Variants in AGAP1 observed in about 807,000 individuals in gnomAD.
AGAP1 encodes the protein arf-GAP with GTPase, ANK repeat and PH domain-containing protein 1.
Under a neutral mutation model 105.3 loss-of-function variants are expected in AGAP1, and 29 were observed. The ratio of observed to expected loss-of-function variants is 0.28; its 90% confidence interval spans 0.21 to 0.38. AGAP1 has a LOEUF of 0.38. Among genes scored for constraint, AGAP1 ranks in the 10% least tolerant of loss-of-function variants. AGAP1 has a pLI of 1.00. For synonymous variants in AGAP1, 509 were observed against 485.9 expected, an observed-to-expected ratio of 1.05 and a Z score of -0.63; for missense variants, 998 against 1,165.1, an observed-to-expected ratio of 0.86 and a Z score of 2.09.
rs1950212461 is a variant in AGAP1, at chr2:235,700,845, A to G, written c.164-8334A>G. On this transcript the variant is annotated intron_variant, in intron 1 of 17. Transcript: ENST00000304032. The surrounding 1 kb of genome is among the most constrained non-coding windows in gnomAD (Gnocchi z 6.1). The stretch of plus-strand genomic sequence containing the variant: ...TGTGTATATATAGTATATATTATAT[A>G]TGTATATATTGTATACTCTACATAG... 6.7e-6 allele frequency among the ~76,000 whole-genome samples: 1 copy of G among 148,334 alleles called. No individual in the cohort carries two copies. Among genetic ancestry groups the G allele is most frequent in the South Asian group, 2.1e-4 (1 of 4,798 alleles).
intron 1 of AGAP1, among the ~76,000 whole-genome samples, chr2:235,500,311 A>G (rs1264005760): frequency 2.6e-5 from 4 of 151,782 alleles, no homozygotes; most frequent in Non-Finnish European, 5.9e-5. Flanking sequence ...GTCAGGTCAC[A>G]TTGAGGGCTG....
rs772074249 is a variant in AGAP1 at position 235,724,403 on chromosome 2, C to G, written c.310+6759C>G. Among the ~76,000 whole-genome samples, 1 of 152,208 alleles carries G rather than the reference C, an allele frequency of 6.6e-6. No individual in the cohort carries two copies. Among genetic ancestry groups the G allele is most frequent in the Non-Finnish European group, 1.5e-5 (1 of 68,044 alleles). ...CTGCCCCCATGCTCTGTCCCAGAGACGGAACACACTGGTCACTGGGAGATT... is the reference window on the plus strand; with the variant it reads ...CTGCCCCCATGCTCTGTCCCAGAGAGGGAACACACTGGTCACTGGGAGATT... On this transcript the variant is annotated intron_variant, in intron 3 of 17. Transcript: ENST00000304032. This position sits in a 1 kb window ranked among gnomAD's most constrained non-coding sequence, Gnocchi z 4.9.
chr2:235,517,411 C>T lies in AGAP1; in HGVS notation c.163+22562C>T, dbSNP rs967753247. Among the ~76,000 whole-genome samples, 1 of 152,128 alleles carries T rather than the reference C, an allele frequency of 6.6e-6. No homozygotes were observed. The highest frequency in any genetic ancestry group is 1.5e-5 in the Non-Finnish European group (1 of 68,028). On this transcript the variant is annotated intron_variant, in intron 1 of 17. Coordinates refer to ENST00000304032, the MANE Select transcript of AGAP1 (RefSeq NM_001037131.3). This position sits in a 1 kb window ranked among gnomAD's most constrained non-coding sequence, Gnocchi z 4.1. ...TGATGTAGTAGCATCACGAGTGTTT[C>T]GTCACTTAACCCAGAGCAGGGCTTT...
Position 235,867,132 on chromosome 2 carries a change from G to A in AGAP1, c.1051-16213G>A, listed in dbSNP as rs1315245034. 1.3e-5 allele frequency among the ~76,000 whole-genome samples: 2 copies of A among 152,178 alleles called. No individual in the cohort carries two copies. Among genetic ancestry groups the A allele is most frequent in the African/African-American group, 4.8e-5 (2 of 41,442 alleles). ...CAGAGGAAGGGGCAGGATGCAAGAAGGACATTTCAGGGGAAAAGAATTGAA... is the reference window on the plus strand; with the variant it reads ...CAGAGGAAGGGGCAGGATGCAAGAAAGACATTTCAGGGGAAAAGAATTGAA... On this transcript the variant is annotated intron_variant, in intron 9 of 17. Coordinates refer to ENST00000304032, the MANE Select transcript of AGAP1 (RefSeq NM_001037131.3). This position sits in a 1 kb window ranked among gnomAD's most constrained non-coding sequence, Gnocchi z 5.4.
In AGAP1 at chr2:235,747,399, G is replaced by T. The variant is rs1434939444; in HGVS notation, c.538+2560G>T. On this transcript the variant is annotated intron_variant, in intron 5 of 17. Transcript: ENST00000304032. The surrounding 1 kb of genome is among the most constrained non-coding windows in gnomAD (Gnocchi z 5.0). ...CCCAGGGGAGTGTGTGCGTGTGCGA[G>T]GGTGGCCTCTGGGGTTGGGAGGTAA... 5.3e-5 allele frequency among the ~76,000 whole-genome samples: 8 copies of T among 152,184 alleles called. No individual in the cohort carries two copies. Among genetic ancestry groups the T allele is most frequent in the Non-Finnish European group, 1.2e-4 (8 of 68,030 alleles).
intron 16 of AGAP1, among the ~76,000 whole-genome samples, chr2:236,093,487 A>G (rs1411346794): frequency 2.0e-5 from 3 of 152,160 alleles, no homozygotes; most frequent in Non-Finnish European, 4.4e-5. Flanking sequence ...GGAATCGGAC[A>G]AACACAATTG....
At chr2:235,881,193 TA>T (rs915082664) in intron 9 of AGAP1, among the ~76,000 whole-genome samples, 8 of 152,174 alleles carry the variant, frequency 5.3e-5, no homozygotes, top group Non-Finnish European at 1.0e-4. Flanking sequence ...ATCTAGTAAA[TA>T]AAAAACAGTA....
intron 1 of AGAP1, among the ~76,000 whole-genome samples, chr2:235,640,247 G>C (rs1049990577): frequency 3.3e-5 from 5 of 152,152 alleles, no homozygotes; most frequent in Non-Finnish European, 7.4e-5. Context: ...TGCCCTTTTT[G>C]ATTTGAACTC....
chr2:235,654,413 A>G (rs1947707331), intron 1 of AGAP1, among the ~76,000 whole-genome samples: 1 of 152,232 alleles, frequency 6.6e-6, no homozygotes, highest in South Asian at 2.1e-4. Context: ...TAAGGGAAAC[A>G]GATTTTCCAA....
In AGAP1 at chr2:236,101,668, C is replaced by A. The variant is rs905648781; in HGVS notation, c.2115-18524C>A. 6.6e-6 allele frequency among the ~76,000 whole-genome samples: 1 copy of A among 152,148 alleles called. No individual in the cohort carries two copies. The highest frequency in any genetic ancestry group is 2.4e-5 in the African/African-American group (1 of 41,428). ...TCTCTTCCCTTATCTGTTTATGATG[C>A]GATATGTTCCAAAGCCGATCACATC... On this transcript the variant is annotated intron_variant, in intron 16 of 17. Transcript: ENST00000304032. This position sits in a 1 kb window ranked among gnomAD's most constrained non-coding sequence, Gnocchi z 4.9.
intron 1 of AGAP1, among the ~76,000 whole-genome samples, chr2:235,603,069 C>G (rs1322294798): frequency 6.6e-6 from 1 of 152,164 alleles, no homozygotes; most frequent in Admixed American, 6.5e-5. Flanking sequence ...TGAATTATAG[C>G]TCCCATAATT....
chr2:235,999,682 TGG>T (rs2056024418), intron 13 of AGAP1, among the ~76,000 whole-genome samples: 11 of 151,838 alleles, frequency 7.2e-5, no homozygotes, highest in African/African-American at 2.2e-4. Flanking sequence ...GTGGTGGTGG[TGG>T]TCGTGGTGGT....
At chr2:236,038,000 A>C (rs1476790453) in intron 14 of AGAP1, among the ~76,000 whole-genome samples, 4 of 152,240 alleles carry the variant, frequency 2.6e-5, no homozygotes, top group African/African-American at 9.6e-5. Flanking sequence ...TCTTTCAGAA[A>C]GATGAAGTGT....
rs2056565947 is a variant in AGAP1, at chr2:236,012,905, C to T, written c.1646-23656C>T. Among the ~76,000 whole-genome samples the T allele has an allele frequency of 6.6e-6, 1 of 152,098 alleles. No homozygotes were observed. ...GGGATTATAGGCGTGCCCCACCATG[C>T]ACAGCTAATTTTTGTATTTTTAGTA... On this transcript the variant is annotated intron_variant, in intron 13 of 17. Coordinates refer to ENST00000304032, the MANE Select transcript of AGAP1 (RefSeq NM_001037131.3). This position sits in a 1 kb window ranked among gnomAD's most constrained non-coding sequence, Gnocchi z 4.9.
At chr2:235,765,499 G>A (rs987304197) in intron 6 of AGAP1, among the ~76,000 whole-genome samples, 16 of 152,256 alleles carry the variant, frequency 1.1e-4, no homozygotes, top group Middle Eastern at 3.4e-3. Flanking sequence ...GCTGAACACT[G>A]TTCGTTTGGG....
intron 13 of AGAP1, among the ~76,000 whole-genome samples, chr2:236,034,714 C>G (rs1317294880): frequency 6.6e-6 from 1 of 152,216 alleles, no homozygotes; most frequent in African/African-American, 2.4e-5. Context: ...TGCCGACACC[C>G]CAAGCGGGGC....
rs548437033 is a variant in AGAP1 at position 235,981,441 on chromosome 2, T to C, written c.1645+12818T>C. On this transcript the variant is annotated intron_variant, in intron 13 of 17. Transcript: ENST00000304032. This position sits in a 1 kb window ranked among gnomAD's most constrained non-coding sequence, Gnocchi z 5.5. ...GCTGACCAGAATTTCTAAGTTCATG[T>C]TCCATGCGTACACACACACACACAC... is the stretch of plus-strand genomic sequence containing the variant. Among the ~76,000 whole-genome samples the C allele has an allele frequency of 7.3e-6, 1 of 137,648 alleles. No homozygotes were observed. The highest frequency in any genetic ancestry group is 2.9e-5 in the African/African-American group (1 of 34,852). 90.3% of individuals were successfully genotyped at this position (137,648 alleles called of 152,430 possible).
intron 9 of AGAP1, among the ~76,000 whole-genome samples, chr2:235,856,769 C>A (rs1448757456): frequency 6.6e-6 from 1 of 152,260 alleles, no homozygotes; most frequent in Non-Finnish European, 1.5e-5. Flanking sequence ...CCATAAATGT[C>A]CCTTGCCCAA....
intron 1 of AGAP1, among the ~76,000 whole-genome samples, chr2:235,657,379 T>A (rs1281658080): frequency 1.4e-4 from 21 of 152,088 alleles, no homozygotes; most frequent in Non-Finnish European, 2.9e-5. Flanking sequence ...GATGTTGTTG[T>A]TGTTGTTATT....
Sources: allele counts gnomAD v4.1 joint callset (sites outside exome capture counted in the v4.1 genomes callset), GRCh38; gene constraint gnomAD v4.1.1; non-coding constraint Gnocchi (gnomAD v3.1); transcripts MANE v1.5; gene names NCBI Gene and HGNC (gene_info 2026-07-23, HGNC 2026-07-21).